The following ANK3 variants were observed in gnomAD, a reference collection of about 807,000 sequenced individuals.
ANK3 encodes ankyrin 3.
Under a neutral mutation model 370.9 loss-of-function variants are expected in ANK3, and 57 were observed. The observed-to-expected ratio is 0.15, with a 90% CI of 0.12 to 0.19. The LOEUF (loss-of-function observed/expected upper bound fraction) is 0.19, where lower values mean the gene tolerates loss of function less well. Among genes scored for constraint, ANK3 ranks in the 10% least tolerant of loss-of-function variants. The pLI is 1.00. For missense variants in ANK3, 4,439 were observed against 5,302.1 expected (o/e 0.84, Z 5.06); for synonymous variants, 1,929 against 1,946.3 (o/e 0.99, Z 0.23).
intron 2 of ANK3, among the ~76,000 whole-genome samples, chr10:60,583,681 C>T (rs1242613397): frequency 6.6e-6 from 1 of 151,908 alleles, no homozygotes; most frequent in African/African-American, 2.4e-5. Flanking sequence ...CCTCCGGGTT[C>T]ACGCGATTCT....
intron 7 of ANK3, among the ~76,000 whole-genome samples, chr10:60,242,296 CT>C: frequency 6.6e-6 from 1 of 152,086 alleles, no homozygotes; most frequent in East Asian, 1.9e-4. Flanking sequence ...CAATATATTC[CT>C]TTACAACTTC....
chr10:60,212,125 C>T (rs919544462), intron 9 of ANK3, among the ~76,000 whole-genome samples: 1 of 151,854 alleles, frequency 6.6e-6, no homozygotes, highest in Non-Finnish European at 1.5e-5. Flanking sequence ...GAAGATTTCT[C>T]AGAAAAAATC....
Position 60,173,205 on chromosome 10 carries a change from T to TA in ANK3, c.2185-20dup, listed in dbSNP as rs752374446. The TA allele has an allele frequency of 5.1e-6, 8 of 1,568,834 alleles. No homozygotes were observed. Among genetic ancestry groups the TA allele is most frequent in the Non-Finnish European group, 7.0e-6 (8 of 1,149,204 alleles). ...ATCCCATCTGTAATTATTATTTTTT[T>TA]AAAAAAGAAGCATCATAATTACACT... On this transcript the variant is annotated intron_variant, in intron 18 of 43. Coordinates refer to ENST00000280772, the MANE Select transcript of ANK3 (RefSeq NM_020987.5).
At chr10:60,347,432 T>C (rs545911652) in intron 1 of ANK3, among the ~76,000 whole-genome samples, 2 of 152,102 alleles carry the variant, frequency 1.3e-5, no homozygotes, top group Admixed American at 6.5e-5. Flanking sequence ...GGATTGGATA[T>C]TTTCAGAGCA....
chr10:60,108,752 T>C, intron 27 of ANK3, 78 bp downstream of exon 27: 1 of 1,239,338 alleles, frequency 8.1e-7, no homozygotes, highest in South Asian at 1.3e-5. Flanking sequence ...TTAAGAGTTA[T>C]CTCCTTGAGT....
At chr10:60,575,298 G>C (rs1443316928) in intron 2 of ANK3, among the ~76,000 whole-genome samples, 1 of 151,760 alleles carries the variant, frequency 6.6e-6, no homozygotes, top group Non-Finnish European at 1.5e-5. Context: ...GTATATGTAA[G>C]GTTCGTATTA....
At chr10:60,177,593 C>CTTTTTTTTTTTTTTTTT (rs771714886) in intron 18 of ANK3, among the ~76,000 whole-genome samples, 28 of 106,282 alleles carry the variant, frequency 2.6e-4, no homozygotes, top group Non-Finnish European at 3.4e-4. Context: ...GTCTTCAAAT[C>CTTTTTTTTTTTTTTTTT]TTTTTTTTTT....
Position 60,422,317 on chromosome 10 carries a change from G to C in ANK3, c.97-142678C>G, listed in dbSNP as rs146647783. Among the ~76,000 whole-genome samples, 634 of 152,150 alleles carry C rather than the reference G, an allele frequency of 4.2e-3. 7 individuals carry two copies. Among genetic ancestry groups the C allele is most frequent in the African/African-American group, 0.015 (611 of 41,520 alleles). ...TCTATACAGCTGCCAACAAATACCTGCTGAGCATCTTCTATGTACAAAATT... is the reference window on the plus strand; with the variant it reads ...TCTATACAGCTGCCAACAAATACCTCCTGAGCATCTTCTATGTACAAAATT... On this transcript the variant is annotated intron_variant, in intron 2 of 43. Coordinates refer to the ANK3 transcript ENST00000373827.
chr10:60,393,578 G>A (rs901618659), upstream of ANK3, among the ~76,000 whole-genome samples: 1 of 152,034 alleles, frequency 6.6e-6, no homozygotes, highest in Admixed American at 6.5e-5. Flanking sequence ...CAAAAATAAA[G>A]CCAAATCAGT....
chr10:60,668,168 G>A (rs1236159793), intron 1 of ANK3, among the ~76,000 whole-genome samples: 1 of 151,494 alleles, frequency 6.6e-6, no homozygotes, highest in Admixed American at 6.6e-5. Context: ...ACTCAGAGGA[G>A]AACGTAATTC....
At chr10:60,458,798 C>T (rs571170482) in intron 2 of ANK3, among the ~76,000 whole-genome samples, 18 of 152,180 alleles carry the variant, frequency 1.2e-4, no homozygotes, top group East Asian at 1.9e-4. Context: ...ATTGGAATTA[C>T]GCCTGTGTGA....
At chr10:60,039,958 A>T (rs1343725997) in intron 43 of ANK3, among the ~76,000 whole-genome samples, 1 of 152,234 alleles carries the variant, frequency 6.6e-6, no homozygotes, top group Non-Finnish European at 1.5e-5. Flanking sequence ...AGGCAGAAAC[A>T]TCATTTGAGC....
At chr10:60,483,474 A>C (rs10761507) in intron 2 of ANK3, among the ~76,000 whole-genome samples, 115,552 of 152,106 alleles carry the variant, frequency 0.76, 43,920 homozygotes, top group South Asian at 0.88. Context: ...TTTCTTCTTT[A>C]CTCAGGCTCA....
intron 23 of ANK3, among the ~76,000 whole-genome samples, chr10:60,147,833 C>T (rs1277888718): frequency 2.0e-5 from 3 of 152,170 alleles, no homozygotes; most frequent in Admixed American, 1.3e-4. Flanking sequence ...CCTGCAGAAC[C>T]ATGAGCCAAT....
In ANK3 at chr10:60,071,827, G is replaced by C. The variant is rs1340894665; in HGVS notation, c.9054C>G (p.Thr3018=). 6.2e-7 allele frequency: 1 copy of C among 1,612,600 alleles called. No homozygotes were observed. The highest frequency in any genetic ancestry group is 2.2e-5 in the East Asian group (1 of 44,862). The change falls in exon 37 of 44, where the codon ACC becomes ACG. Residue 3018 remains threonine, a synonymous_variant. Transcript: ENST00000280772. ...TGGAAACTTTGCTGATTTCTGAATA[G>C]GTAACTTTTTCATCTTCTATAGAAT... ...HFNSIEDEKV[T]YSEISKVSKH...
chr10:60,536,014 C>A (rs1267650010), intron 2 of ANK3, among the ~76,000 whole-genome samples: 1 of 151,780 alleles, frequency 6.6e-6, no homozygotes, highest in Non-Finnish European at 1.5e-5. Flanking sequence ...ATTATTTTCT[C>A]TTTGAGGATA....
intron 2 of ANK3, among the ~76,000 whole-genome samples, chr10:60,501,332 G>T (rs1369603080): frequency 1.3e-5 from 2 of 152,196 alleles, no homozygotes; most frequent in African/African-American, 2.4e-5. Context: ...CTTAAAGAGG[G>T]TGTATTTTTC....
intron 7 of ANK3, among the ~76,000 whole-genome samples, chr10:60,249,207 G>C (rs1322573466): frequency 6.6e-6 from 1 of 152,138 alleles, no homozygotes; most frequent in African/African-American, 2.4e-5. Flanking sequence ...CTCAATTGTG[G>C]AGGAATCAAT....
At chr10:60,437,177 A>C (rs1395072903) in intron 2 of ANK3, among the ~76,000 whole-genome samples, 1 of 152,218 alleles carries the variant, frequency 6.6e-6, no homozygotes, top group Non-Finnish European at 1.5e-5. Flanking sequence ...ACAGTCTGAG[A>C]TTCATGAACA....
Sources: gnomAD v4.1 joint callset for allele counts (sites outside exome capture counted in the v4.1 genomes callset) on GRCh38, gnomAD v4.1.1 for gene constraint, MANE v1.5 for transcripts, NCBI Gene and HGNC (gene_info 2026-07-23, HGNC 2026-07-21) for gene names.